Variants in CSGALNACT1 observed in about 807,000 individuals in gnomAD.
CSGALNACT1 encodes the protein beta4GalNAcT-1.
CSGALNACT1 carries 52 observed loss-of-function variants against 51.0 expected under a neutral mutation model. That is an observed-to-expected ratio of 1.02 (90% CI 0.82 to 1.29). The LOEUF (loss-of-function observed/expected upper bound fraction) is 1.29. CSGALNACT1 is among the 50% of genes most tolerant of loss of function. The pLI is 0.00. For synonymous variants in CSGALNACT1, 341 were observed against 254.4 expected (o/e 1.34, Z -3.24); for missense variants, 935 against 679.2 (o/e 1.38, Z -4.19).
intron 3 of CSGALNACT1, among the ~76,000 whole-genome samples, chr8:19,550,346 C>G (rs561258518): frequency 1.3e-5 from 2 of 152,288 alleles, no homozygotes; most frequent in Admixed American, 6.5e-5. Context: ...GTATCCTCCT[C>G]TGCCATGTTT....
intron 1 of CSGALNACT1, among the ~76,000 whole-genome samples, chr8:19,617,514 T>A (rs78508683): frequency 1.3e-3 from 203 of 152,330 alleles, no homozygotes; most frequent in African/African-American, 4.8e-3. Flanking sequence ...CATATATTAC[T>A]TTCATAAGCA....
At chr8:19,633,203 C>T (rs2154171304) in intron 1 of CSGALNACT1, among the ~76,000 whole-genome samples, 1 of 152,230 alleles carries the variant, frequency 6.6e-6, no homozygotes, top group Non-Finnish European at 1.5e-5. Context: ...GAGGGCTTCC[C>T]CAGGTCGTCG....
rs2064698266 is a variant in CSGALNACT1, at chr8:19,746,836, C to A, written c.-297+11014G>T. On this transcript the variant is annotated intron_variant, in intron 1 of 1. Transcript: ENST00000517494. ...CAAACACGATCAGCTTTATTCAAAG[C>A]TTTGCCATTCATTCTCTGACCTTCT... is the stretch of plus-strand genomic sequence containing the variant. 2.6e-5 allele frequency among the ~76,000 whole-genome samples: 4 copies of A among 152,288 alleles called. No individual in the cohort carries two copies. In the South Asian group the frequency reaches 8.3e-4, roughly 32 times the overall value.
chr8:19,740,335 G>A (rs564369049), intron 1 of CSGALNACT1, among the ~76,000 whole-genome samples: 9 of 152,314 alleles, frequency 5.9e-5, no homozygotes, highest in African/African-American at 1.9e-4. Context: ...AGTCCCAAGG[G>A]ACACAGAGTC....
At chr8:19,508,858 T>A (rs942912430) in intron 3 of CSGALNACT1, among the ~76,000 whole-genome samples, 14 of 152,232 alleles carry the variant, frequency 9.2e-5, no homozygotes, top group African/African-American at 3.4e-4. Flanking sequence ...AAATCGGTGA[T>A]TTGAAAATTT....
At chr8:19,661,053 C>T (rs945386774) in intron 1 of CSGALNACT1, among the ~76,000 whole-genome samples, 2 of 151,832 alleles carry the variant, frequency 1.3e-5, no homozygotes, top group African/African-American at 2.4e-5. Context: ...GCTGGGTCTA[C>T]AGGTGCATGC....
chr8:19,699,963 T>C (rs1212724622), intron 1 of CSGALNACT1, among the ~76,000 whole-genome samples: 1 of 151,788 alleles, frequency 6.6e-6, no homozygotes, highest in Non-Finnish European at 1.5e-5. Context: ...AATACAAAAC[T>C]TAGCTGGGCA....
intron 3 of CSGALNACT1, among the ~76,000 whole-genome samples, chr8:19,574,814 G>A (rs988120417): frequency 1.1e-4 from 17 of 152,054 alleles, no homozygotes; most frequent in Non-Finnish European, 1.2e-4. Context: ...GGCAGATCAC[G>A]AGGTCTCCTG....
intron 1 of CSGALNACT1, among the ~76,000 whole-genome samples, chr8:19,754,083 A>G (rs1196078056): frequency 6.6e-6 from 1 of 151,940 alleles, no homozygotes; most frequent in Non-Finnish European, 1.5e-5. Flanking sequence ...GCTGGAGGGC[A>G]GTGGCCTGAT....
chr8:19,438,185 C>T (rs927837374), intron 6 of CSGALNACT1, among the ~76,000 whole-genome samples: 3 of 52,340 alleles, frequency 5.7e-5, no homozygotes, highest in East Asian at 1.1e-3. Flanking sequence ...ATCTCTTGGC[C>T]GGGGCGGGGG....
chr8:19,421,789 T>C (rs540573444), intron 6 of CSGALNACT1, among the ~76,000 whole-genome samples: 3 of 152,348 alleles, frequency 2.0e-5, no homozygotes, highest in Non-Finnish European at 4.4e-5. Flanking sequence ...TTCTTTTGGA[T>C]CTGGGAGTGA....
chr8:19,404,934 A>G (rs745623011), exon 10 of CSGALNACT1: 5 of 454,126 alleles, frequency 1.1e-5, no homozygotes, highest in East Asian at 1.4e-4. Context: ...TTCCTTCCCT[A>G]TGTCTCAATG....
intron 1 of CSGALNACT1, among the ~76,000 whole-genome samples, chr8:19,666,823 GAGAGAGAGAGAAAGAAAGAAAGAA>G (rs1564383469): frequency 0.01 from 755 of 73,682 alleles, 24 homozygotes; most frequent in East Asian, 0.023. Context: ...GAGAGAGAGA[GAGAGAGAGAGAAAGAAAGAAAGAA>G]AGAAAGAAAG....
chr8:19,591,345 G>A (rs1010144033), intron 2 of CSGALNACT1: 2 of 152,188 alleles, frequency 1.3e-5, no homozygotes, highest in African/African-American at 4.8e-5. Context: ...ATAAGCTAAA[G>A]ACCAATAGAC....
chr8:19,582,210 A>G (rs1200828006), intron 3 of CSGALNACT1, among the ~76,000 whole-genome samples: 1 of 152,242 alleles, frequency 6.6e-6, no homozygotes, highest in Non-Finnish European at 1.5e-5. Context: ...GGGATTTTAA[A>G]TACTGTCCTG....
chr8:19,634,790 C>G (rs992941641), intron 1 of CSGALNACT1, among the ~76,000 whole-genome samples: 2 of 152,218 alleles, frequency 1.3e-5, no homozygotes, highest in Admixed American at 6.5e-5. Context: ...TGGCGCACGC[C>G]TTCATCTTGG....
intron 1 of CSGALNACT1, among the ~76,000 whole-genome samples, chr8:19,620,593 G>A (rs1306867328): frequency 6.6e-6 from 1 of 151,868 alleles, no homozygotes; most frequent in African/African-American, 2.4e-5. Context: ...CACCAGGCCT[G>A]GCTAATTTAT....
chr8:19,638,808 G>T (rs189951142), intron 1 of CSGALNACT1, among the ~76,000 whole-genome samples: 52 of 151,900 alleles, frequency 3.4e-4, no homozygotes, highest in Admixed American at 3.1e-3. Flanking sequence ...CCTGTGGGAA[G>T]GTATTTTGTA....
intron 1 of CSGALNACT1, among the ~76,000 whole-genome samples, chr8:19,723,437 A>G (rs1564472599): frequency 6.6e-6 from 1 of 152,248 alleles, no homozygotes; most frequent in Non-Finnish European, 1.5e-5. Context: ...GCAAGGTACC[A>G]TTCTGAAAAA....
Sources: allele counts gnomAD v4.1 joint callset (sites outside exome capture counted in the v4.1 genomes callset), GRCh38; gene constraint gnomAD v4.1.1; transcripts MANE v1.5; gene names NCBI Gene and HGNC (gene_info 2026-07-23, HGNC 2026-07-21).